The following HAO1 variants were observed in gnomAD, a reference collection of about 807,000 sequenced individuals.
HAO1 encodes hydroxyacid oxidase 1.
HAO1 carries 34 observed loss-of-function variants against 39.7 expected under a neutral mutation model. The ratio of observed to expected loss-of-function variants is 0.86; its 90% CI spans 0.65 to 1.14. The LOEUF (loss-of-function observed/expected upper bound fraction) is 1.14, where lower values mean the gene tolerates loss of function less well. Ranked by LOEUF, HAO1 falls within the 50% of genes most tolerant of loss-of-function variation. The probability of loss-of-function intolerance (pLI) is 0.00; values close to 1 mark genes in which losing one functional copy is unlikely to be tolerated. For synonymous variants in HAO1, 172 were observed against 173.2 expected, an observed-to-expected ratio of 0.99 and a Z score of 0.05; for missense variants, 479 against 464.5, an observed-to-expected ratio of 1.03 and a Z score of -0.29.
chr20:7,907,074 G>A (rs897182743), intron 3 of HAO1, among the ~76,000 whole-genome samples: 4 of 152,144 alleles, frequency 2.6e-5, no homozygotes, highest in Non-Finnish European at 5.9e-5. Flanking sequence ...GCCTGCTATT[G>A]CAGTAGTGAT....
At chr20:7,936,069 A>T (rs1306785577) in intron 1 of HAO1, among the ~76,000 whole-genome samples, 3 of 152,230 alleles carry the variant, frequency 2.0e-5, no homozygotes, top group Non-Finnish European at 4.4e-5. Flanking sequence ...CGGAAGAAGA[A>T]ATTCTGCCTT....
chr20:7,884,595 C>A (rs1172678421), intron 7 of HAO1, among the ~76,000 whole-genome samples: 1 of 152,160 alleles, frequency 6.6e-6, no homozygotes, highest in Non-Finnish European at 1.5e-5. Flanking sequence ...GCAGAGCGAA[C>A]AACCATTGCA....
At chr20:7,924,018 C>T (rs1032882375) in intron 2 of HAO1, among the ~76,000 whole-genome samples, 1 of 152,140 alleles carries the variant, frequency 6.6e-6, no homozygotes, top group African/African-American at 2.4e-5. Context: ...GCTGATAAAT[C>T]TGCCTTTCTT....
intron 2 of HAO1, among the ~76,000 whole-genome samples, chr20:7,919,388 C>T (rs1344441689): frequency 6.6e-6 from 1 of 151,986 alleles, no homozygotes; most frequent in Non-Finnish European, 1.5e-5. Context: ...TTTAATTAAA[C>T]AGTGATACAC....
At chr20:7,900,997 G>A (rs1009785930) in intron 4 of HAO1, among the ~76,000 whole-genome samples, 2 of 152,174 alleles carry the variant, frequency 1.3e-5, no homozygotes, top group Non-Finnish European at 2.9e-5. Flanking sequence ...GGTCTGGATA[G>A]ATGATCAAAC....
intron 3 of HAO1, 150 bp from the exon 4 acceptor site, chr20:7,906,479 T>C (rs749136809): frequency 1.6e-6 from 1 of 612,034 alleles, no homozygotes; most frequent in Non-Finnish European, 2.9e-6. Context: ...ATTTTCCATA[T>C]TTTGATGTAG....
At chr20:7,891,402 T>C (rs904100076) in intron 5 of HAO1, among the ~76,000 whole-genome samples, 1 of 152,206 alleles carries the variant, frequency 6.6e-6, no homozygotes. Flanking sequence ...GTTTGTTTTT[T>C]TTCTTATTTG....
intron 1 of HAO1, among the ~76,000 whole-genome samples, chr20:7,937,837 G>A (rs568115830): frequency 1.1e-4 from 16 of 152,158 alleles, no homozygotes; most frequent in African/African-American, 3.6e-4. Context: ...TTTGTTCTGG[G>A]TGGTTCCATT....
intron 4 of HAO1, among the ~76,000 whole-genome samples, chr20:7,900,360 T>C (rs551914306): frequency 2.8e-4 from 42 of 152,240 alleles, no homozygotes; most frequent in African/African-American, 1.0e-3. Context: ...AGCAGCAAGG[T>C]ATTTTTAATT....
At chr20:7,899,356 C>A (rs1229777040) in intron 4 of HAO1, among the ~76,000 whole-genome samples, 3 of 152,040 alleles carry the variant, frequency 2.0e-5, no homozygotes, top group Admixed American at 6.6e-5. Flanking sequence ...ACTATTATTA[C>A]CATTTTCCTC....
intron 2 of HAO1, among the ~76,000 whole-genome samples, chr20:7,921,794 G>A (rs1341069371): frequency 6.6e-6 from 1 of 152,066 alleles, no homozygotes; most frequent in Non-Finnish European, 1.5e-5. Flanking sequence ...ACAAAATAAT[G>A]TCCTTTGCAC....
At position 7,920,037 on chromosome 20, in the gene HAO1, C is replaced by T. The variant is rs550178498; in HGVS notation, c.290-5618G>A. Among the ~76,000 whole-genome samples the T allele has an allele frequency of 3.0e-4, 46 of 152,182 alleles. 1 individual carries two copies. The highest frequency in any genetic ancestry group is 3.9e-4 in the East Asian group (2 of 5,174). ...CAACTGATAAGGTTTGGCTTTGTGT[C>T]CCCACCCAAATCTTATCTCAAATTT... On this transcript the variant is annotated intron_variant, in intron 2 of 7. Coordinates refer to ENST00000378789, the MANE Select transcript of HAO1 (RefSeq NM_017545.3).
Position 7,895,152 on chromosome 20 carries a change from A to C in HAO1, c.794T>G (p.Leu265Arg). Residue 265 changes from leucine to arginine, a missense_variant, in exon 5 of 8, where the codon CTC becomes CGC. Leu to Arg is a moderately radical substitution (Grantham distance 102). Transcript: ENST00000378789. ...ILVSNHGARQ[L>R]DGVPATIDVL... ...ACTCACAGTGGCTGGCACCCCATCGAGTTGTCGAGCCCCATGATTCGACAC... is the reference window on the plus strand; with the variant it reads ...ACTCACAGTGGCTGGCACCCCATCGCGTTGTCGAGCCCCATGATTCGACAC... 1 of 1,610,678 alleles carries C rather than the reference A, an allele frequency of 6.2e-7. No individual in the cohort carries two copies. Among genetic ancestry groups the C allele is most frequent in the Non-Finnish European group, 8.5e-7 (1 of 1,177,022 alleles).
At chr20:7,892,584 T>C (rs1179281188) in intron 5 of HAO1, among the ~76,000 whole-genome samples, 1 of 152,192 alleles carries the variant, frequency 6.6e-6, no homozygotes, top group East Asian at 1.9e-4. Flanking sequence ...AAAGTATTTG[T>C]TCTACTCTTT....
intron 4 of HAO1, among the ~76,000 whole-genome samples, chr20:7,903,521 ACT>A: frequency 6.7e-6 from 1 of 148,296 alleles, no homozygotes; most frequent in East Asian, 2.0e-4. Flanking sequence ...TAGTGGTGAT[ACT>A]GGTGGTGGTG....
chr20:7,920,326 A>G (rs1351099140), intron 2 of HAO1, among the ~76,000 whole-genome samples: 2 of 152,186 alleles, frequency 1.3e-5, no homozygotes, highest in Admixed American at 6.6e-5. Context: ...ACTGTGAGCC[A>G]GTAAACCTCT....
At chr20:7,896,746 C>G (rs1467598039) in intron 4 of HAO1, among the ~76,000 whole-genome samples, 2 of 152,068 alleles carry the variant, frequency 1.3e-5, no homozygotes, top group Non-Finnish European at 2.9e-5. Context: ...TTTCCATTTA[C>G]TGTGAAACTT....
At chr20:7,930,314 A>C (rs2050380040) in intron 2 of HAO1, among the ~76,000 whole-genome samples, 1 of 152,220 alleles carries the variant, frequency 6.6e-6, no homozygotes, top group African/African-American at 2.4e-5. Flanking sequence ...CTTGCTTGAG[A>C]GGATTTCCAT....
intron 5 of HAO1, 86 bp from the exon 6 acceptor site, chr20:7,885,950 G>C: frequency 1.7e-6 from 2 of 1,144,926 alleles, no homozygotes; most frequent in Non-Finnish European, 2.6e-6. Flanking sequence ...GACACATCCA[G>C]CTAGGGCTTA....
Sources: gnomAD v4.1 joint callset for allele counts (sites outside exome capture counted in the v4.1 genomes callset) on GRCh38, gnomAD v4.1.1 for gene constraint, MANE v1.5 for transcripts, NCBI Gene and HGNC (gene_info 2026-07-23, HGNC 2026-07-21) for gene names.